RAB38: variants seen among roughly 807,000 people sequenced by gnomAD.
RAB38 encodes RAB38, member RAS oncogene family.
A neutral mutation model predicts 18.4 loss-of-function variants in RAB38; 15 were observed. That is an observed-to-expected ratio of 0.82 (90% CI 0.55 to 1.26). The LOEUF (loss-of-function observed/expected upper bound fraction) is 1.26, where lower values mean the gene tolerates loss of function less well. Among genes scored for constraint, RAB38 ranks in the 50% most tolerant of loss-of-function variants. The probability of loss-of-function intolerance (pLI) is 0.00; values close to 1 mark genes in which losing one functional copy is unlikely to be tolerated. For synonymous variants in RAB38, 101 were observed against 104.4 expected (o/e 0.97, Z 0.20); for missense variants, 294 against 267.4 (o/e 1.10, Z -0.69).
At chr11:87,942,297 G>A in the RAB38 span, among the ~76,000 whole-genome samples, 1 of 152,066 alleles carries the variant, frequency 6.6e-6, no homozygotes, top group African/African-American at 2.4e-5. Context: ...AGCTGATGTT[G>A]CTGGTTTACT....
chr11:87,933,812 C>T, the RAB38 span, among the ~76,000 whole-genome samples: 2 of 152,062 alleles, frequency 1.3e-5, no homozygotes, highest in Admixed American at 1.3e-4. Flanking sequence ...TTAGCTGAAA[C>T]ACCTTTCTCT....
At chr11:88,116,799 A>C (rs1942559600) in intron 2 of RAB38, among the ~76,000 whole-genome samples, 1 of 152,232 alleles carries the variant, frequency 6.6e-6, no homozygotes, top group African/African-American at 2.4e-5. Context: ...ATTAGATAAA[A>C]GTTAGTATTT....
At chr11:88,041,825 C>T in the RAB38 span, among the ~76,000 whole-genome samples, 1 of 152,192 alleles carries the variant, frequency 6.6e-6, no homozygotes, top group East Asian at 1.9e-4. Context: ...CTTCCCTCTG[C>T]GACTGTGGTA....
the RAB38 span, among the ~76,000 whole-genome samples, chr11:87,905,861 A>C: frequency 6.6e-6 from 1 of 151,934 alleles, no homozygotes; most frequent in Non-Finnish European, 1.5e-5. Context: ...CTCTGACTGC[A>C]AATTAGATTC....
intron 2 of RAB38, among the ~76,000 whole-genome samples, chr11:88,118,580 T>C (rs1320008347): frequency 1.3e-5 from 2 of 152,198 alleles, no homozygotes; most frequent in African/African-American, 4.8e-5. Flanking sequence ...GCATTTATTA[T>C]AGGGAGTAGT....
chr11:88,041,279 T>G, the RAB38 span, among the ~76,000 whole-genome samples: 2 of 152,220 alleles, frequency 1.3e-5, no homozygotes, highest in Non-Finnish European at 2.9e-5. Flanking sequence ...TCCCACTCAC[T>G]GCCCTTCCCC....
the RAB38 span, among the ~76,000 whole-genome samples, chr11:88,036,184 T>C: frequency 6.6e-6 from 1 of 152,106 alleles, no homozygotes. Flanking sequence ...GTACCCTCAA[T>C]TCATGATACT....
the RAB38 span, among the ~76,000 whole-genome samples, chr11:87,829,569 A>C: frequency 6.6e-6 from 1 of 152,148 alleles, no homozygotes; most frequent in South Asian, 2.1e-4. Flanking sequence ...GAACTCACTC[A>C]CTATCACGAG....
the RAB38 span, among the ~76,000 whole-genome samples, chr11:87,960,020 A>G: frequency 1.3e-5 from 2 of 152,208 alleles, no homozygotes; most frequent in South Asian, 4.1e-4. Flanking sequence ...AGAACACTGT[A>G]CACATTACAA....
chr11:87,850,307 C>T, the RAB38 span, among the ~76,000 whole-genome samples: 1 of 152,064 alleles, frequency 6.6e-6, no homozygotes, highest in African/African-American at 2.4e-5. Context: ...TCTTCTTCTC[C>T]TTTTAACATA....
chr11:87,964,355 A>T, the RAB38 span, among the ~76,000 whole-genome samples: 1 of 152,062 alleles, frequency 6.6e-6, no homozygotes, highest in Admixed American at 6.6e-5. Context: ...GTTAGTCTGG[A>T]CTTATTCATG....
chr11:87,865,420 A>T, the RAB38 span, among the ~76,000 whole-genome samples: 1 of 151,726 alleles, frequency 6.6e-6, no homozygotes, highest in Non-Finnish European at 1.5e-5. Context: ...CCTGGCTTTG[A>T]AGATGGAGGA....
At chr11:88,079,066 A>G in the RAB38 span, among the ~76,000 whole-genome samples, 1 of 151,982 alleles carries the variant, frequency 6.6e-6, no homozygotes, top group Non-Finnish European at 1.5e-5. Flanking sequence ...CGAAACCTAA[A>G]GTGGGCCAAT....
the RAB38 span, among the ~76,000 whole-genome samples, chr11:87,828,990 G>T: frequency 2.6e-5 from 4 of 152,160 alleles, no homozygotes; most frequent in Non-Finnish European, 5.9e-5. Context: ...TTAAAAACTC[G>T]AAGGGAATTA....
At chr11:88,041,811 C>T in the RAB38 span, among the ~76,000 whole-genome samples, 1 of 152,148 alleles carries the variant, frequency 6.6e-6, no homozygotes, top group Non-Finnish European at 1.5e-5. Flanking sequence ...CATACCACTG[C>T]TGACTTCCCT....
the RAB38 span, among the ~76,000 whole-genome samples, chr11:88,027,986 G>C: frequency 1.1e-3 from 171 of 152,256 alleles, 1 homozygote; most frequent in African/African-American, 3.9e-3. Context: ...CCCCAGCAGG[G>C]GCAGACTGAC....
the RAB38 span, among the ~76,000 whole-genome samples, chr11:87,916,654 T>C: frequency 1.3e-5 from 2 of 152,176 alleles, no homozygotes; most frequent in Non-Finnish European, 2.9e-5. Context: ...TATTCTGTTA[T>C]AGCAATACAG....
At chr11:88,097,294 AT>A in the RAB38 span, among the ~76,000 whole-genome samples, 1 of 151,944 alleles carries the variant, frequency 6.6e-6, no homozygotes, top group African/African-American at 2.4e-5. Flanking sequence ...ACCAGCAAGC[AT>A]TTAGCATCTA....
At chr11:87,860,160 A>G in the RAB38 span, among the ~76,000 whole-genome samples, 2 of 151,998 alleles carry the variant, frequency 1.3e-5, no homozygotes, top group African/African-American at 4.8e-5. Context: ...AGTGCTCACT[A>G]TACTAGAGAA....
Sources: allele counts gnomAD v4.1 joint callset (sites outside exome capture counted in the v4.1 genomes callset), GRCh38; gene constraint gnomAD v4.1.1; transcripts MANE v1.5; gene names NCBI Gene and HGNC (gene_info 2026-07-23, HGNC 2026-07-21).